Variants in MINDY4 observed in about 807,000 individuals in gnomAD.
MINDY4 encodes the protein MINDY lysine 48 deubiquitinase 4, also known as probable ubiquitin carboxyl-terminal hydrolase MINDY-4.
A neutral mutation model predicts 87.0 loss-of-function variants in MINDY4; 68 were observed. The observed-to-expected ratio is 0.78, with a 90% CI of 0.64 to 0.96. The LOEUF is 0.96. Among genes scored for constraint, MINDY4 ranks in the 40% least tolerant of loss-of-function variants. MINDY4 has a pLI of 0.00. For missense variants in MINDY4, 919 were observed against 928.2 expected (o/e 0.99, Z 0.13); for synonymous variants, 379 against 363.2 (o/e 1.04, Z -0.50).
intron 1 of MINDY4, among the ~76,000 whole-genome samples, chr7:30,777,370 C>A (rs549355617): frequency 6.6e-6 from 1 of 152,252 alleles, no homozygotes; most frequent in East Asian, 1.9e-4. Flanking sequence ...AGATGAAATG[C>A]GGGTGGTTGG....
Position 30,859,244 on chromosome 7 carries a change from C to T in MINDY4, c.1678-13C>T, listed in dbSNP as rs765254884. On this transcript the variant is annotated splice_polypyrimidine_tract_variant and intron_variant, in intron 12 of 17. Transcript: ENST00000265299. ...CAAATGGGATGGAGCTCATTTTTCT[C>T]TCCCCCTCCCAGTTTGAAGTGGGCC... 3.1e-5 allele frequency: 50 copies of T among 1,613,102 alleles called. No homozygotes were observed. Among genetic ancestry groups the T allele is most frequent in the Non-Finnish European group, 1.9e-5 (22 of 1,179,430 alleles).
At chr7:30,868,250 A>G (rs957770218) in intron 13 of MINDY4, among the ~76,000 whole-genome samples, 1 of 152,112 alleles carries the variant, frequency 6.6e-6, no homozygotes, top group Non-Finnish European at 1.5e-5. Context: ...TGATCATCCC[A>G]TATTTCAGGC....
chr7:30,777,277 CAT>C (rs1278763602), intron 1 of MINDY4, among the ~76,000 whole-genome samples: 1 of 152,120 alleles, frequency 6.6e-6, no homozygotes, highest in Non-Finnish European at 1.5e-5. Context: ...TGTTGACAGA[CAT>C]AAAGAATTAT....
intron 14 of MINDY4, among the ~76,000 whole-genome samples, chr7:30,872,707 G>A (rs1229051963): frequency 6.6e-6 from 1 of 152,186 alleles, no homozygotes; most frequent in Non-Finnish European, 1.5e-5. Context: ...TTTGCACAAG[G>A]TATTGTCTTT....
chr7:30,818,707 G>T (rs535825926), intron 5 of MINDY4, among the ~76,000 whole-genome samples: 1 of 152,140 alleles, frequency 6.6e-6, no homozygotes, highest in African/African-American at 2.4e-5. Flanking sequence ...AAAACTCTTC[G>T]TGTATATGTT....
At chr7:30,888,653 A>G (rs10281903) in intron 17 of MINDY4, among the ~76,000 whole-genome samples, 44,108 of 152,100 alleles carry the variant, frequency 0.29, 9,801 homozygotes, top group African/African-American at 0.62. Context: ...CAATCGGGGA[A>G]CGATTCGATT....
At position 30,778,504 on chromosome 7, in the gene MINDY4, G is replaced by T. The variant is rs778472100; in HGVS notation, c.136G>T (p.Asp46Tyr). The T allele has an allele frequency of 1.2e-5, 19 of 1,614,084 alleles. 1 individual carries two copies. In the Admixed American group the frequency reaches 3.2e-4, roughly 27 times the overall value. ...RSDLSINNRN[D>Y]LRKVLHLEFL... ...TGACCTCAGCATAAACAACAGAAAT[G>T]ATCTTCGAAAGGTTTTGCATCTTGA... Residue 46 changes from aspartate (D) to tyrosine (Y), a missense_variant, in exon 2 of 18, where the codon GAT (aspartate) becomes TAT (tyrosine). Coordinates refer to ENST00000265299, the MANE Select transcript of MINDY4 (RefSeq NM_032222.3).
chr7:30,778,550 A>C lies in MINDY4; in HGVS notation c.182A>C (p.Lys61Thr), dbSNP rs749950242. 1.9e-6 allele frequency: 3 copies of C among 1,614,054 alleles called. No individual in the cohort carries two copies. Among genetic ancestry groups the C allele is most frequent in the Non-Finnish European group, 2.5e-6 (3 of 1,180,022 alleles). ...LHLEFLYKENKAKENPLKTSL... is the reference protein window; with the variant it reads ...LHLEFLYKENTAKENPLKTSL... ...CTTGAATTTCTCTATAAGGAGAACA[A>C]GGTATGTGCTTTCTAAGGTGTGGTG... is the stretch of plus-strand genomic sequence containing the variant. Residue 61 changes from lysine (K) to threonine (T), a missense_variant and splice_region_variant, in exon 2 of 18, where the codon AAG becomes ACG. By Grantham distance (78) the Lys-to-Thr change is moderately conservative (BLOSUM62 -1). Transcript: ENST00000265299.
At chr7:30,791,956 A>G (rs966034888) in intron 5 of MINDY4, among the ~76,000 whole-genome samples, 4 of 152,228 alleles carry the variant, frequency 2.6e-5, no homozygotes, top group African/African-American at 9.6e-5. Context: ...ATTCAAAGCC[A>G]TCCTGGGCTG....
chr7:30,798,212 C>T (rs1787549551), intron 5 of MINDY4, among the ~76,000 whole-genome samples: 1 of 152,126 alleles, frequency 6.6e-6, no homozygotes, highest in South Asian at 2.1e-4. Context: ...TTTATCTAAA[C>T]ACATCTAAAT....
intron 1 of MINDY4, among the ~76,000 whole-genome samples, chr7:30,774,800 T>C (rs1786758738): frequency 6.6e-6 from 1 of 151,982 alleles, no homozygotes; most frequent in Non-Finnish European, 1.5e-5. Context: ...CTGGTCCCCC[T>C]AGTTTCTCTG....
chr7:30,839,147 G>A (rs1055346759), intron 7 of MINDY4, 53 bp from the exon 8 acceptor site: 8 of 1,217,362 alleles, frequency 6.6e-6, no homozygotes, highest in Admixed American at 4.2e-5. Context: ...ACTGAACATC[G>A]TATTGTTGCT....
chr7:30,782,076 A>T lies in MINDY4; in HGVS notation c.283A>T (p.Ile95Phe). The T allele has an allele frequency of 6.2e-7, 1 of 1,614,122 alleles. No individual in the cohort carries two copies. The change falls in exon 3 of 18, where the codon ATC becomes TTC. Residue 95 changes from isoleucine to phenylalanine, a missense_variant. Ile to Phe is a conservative substitution (Grantham distance 21, BLOSUM62 0). Coordinates refer to ENST00000265299, the MANE Select transcript of MINDY4 (RefSeq NM_032222.3). ...TAACAATTTCACTCAAGATACCCCA[A>T]TCCCTGCACTCTCAGTTCCAAAGAA... ...TANNFTQDTP[I>F]PALSVPKKNN...
intron 5 of MINDY4, among the ~76,000 whole-genome samples, chr7:30,824,971 A>G (rs2107553): frequency 0.38 from 57,659 of 151,994 alleles, 14,383 homozygotes; most frequent in African/African-American, 0.7. Flanking sequence ...AATCCAGCTC[A>G]TGCCTCTCTC....
intron 7 of MINDY4, 88 bp from the exon 8 acceptor site, chr7:30,839,112 G>C (rs913929083): frequency 1.7e-5 from 14 of 816,096 alleles, no homozygotes; most frequent in Non-Finnish European, 2.5e-5. Flanking sequence ...TAGAATTCAA[G>C]AACAACTTCT....
intron 13 of MINDY4, among the ~76,000 whole-genome samples, chr7:30,859,607 C>A (rs1789689590): frequency 6.6e-6 from 1 of 151,922 alleles, no homozygotes; most frequent in Non-Finnish European, 1.5e-5. Flanking sequence ...AGTGCATGCA[C>A]ACTTGAGCAC....
chr7:30,849,306 C>A (rs1789323621), intron 9 of MINDY4, among the ~76,000 whole-genome samples: 1 of 152,192 alleles, frequency 6.6e-6, no homozygotes, highest in East Asian at 1.9e-4. Context: ...TTCCTTTGAG[C>A]CCTAGCAGAG....
At position 30,882,240 on chromosome 7, in the gene MINDY4, C is replaced by T. The variant is rs1387818697; in HGVS notation, c.2031C>T (p.His677=). The T allele has an allele frequency of 1.2e-6, 2 of 1,613,956 alleles. No homozygotes were observed. The highest frequency in any genetic ancestry group is 1.3e-5 in the African/African-American group (1 of 75,050). ...FPIWVVCSES[H]FSILFSLQPG... is the part of the protein sequence containing the mutation. ...TCTGGGTGGTTTGCAGTGAGAGCCA[C>T]TTCAGCATCCTCTTTAGCCTGCAGC... The change falls in exon 16 of 18, where the codon CAC becomes CAT. Residue 677 remains histidine, a synonymous_variant. Coordinates refer to ENST00000265299, the MANE Select transcript of MINDY4 (RefSeq NM_032222.3).
chr7:30,878,559 G>A (rs944755458), intron 15 of MINDY4, among the ~76,000 whole-genome samples: 2 of 152,190 alleles, frequency 1.3e-5, no homozygotes, highest in African/African-American at 2.4e-5. Flanking sequence ...GGTAAGGGGT[G>A]GACTGCATTC....
Sources: gnomAD v4.1 joint callset for allele counts (sites outside exome capture counted in the v4.1 genomes callset) on GRCh38, gnomAD v4.1.1 for gene constraint, MANE v1.5 for transcripts, NCBI Gene and HGNC (gene_info 2026-07-23, HGNC 2026-07-21) for gene names.